Variants in PLCL2 observed in about 807,000 individuals in gnomAD.
PLCL2 encodes the protein inactive phospholipase C-like protein 2.
In PLCL2, 4 loss-of-function variants were observed where a neutral mutation model predicts 79.6. The observed-to-expected ratio is 0.05, with a 90% CI of 0.02 to 0.11. The LOEUF (loss-of-function observed/expected upper bound fraction) is 0.11. Among genes scored for constraint, PLCL2 ranks in the 10% least tolerant of loss-of-function variants. PLCL2 has a pLI of 1.00. For synonymous variants in PLCL2, 484 were observed against 457.7 expected, an observed-to-expected ratio of 1.06 and a Z score of -0.73; for missense variants, 895 against 1,291.0, an observed-to-expected ratio of 0.69 and a Z score of 4.70.
intron 3 of PLCL2, among the ~76,000 whole-genome samples, chr3:17,028,956 C>T (rs1476886407): frequency 1.3e-5 from 2 of 152,298 alleles, no homozygotes; most frequent in East Asian, 3.9e-4. Flanking sequence ...CCTTCTTACC[C>T]TACATGTCTT....
At chr3:16,917,578 C>T (rs530023320) in intron 1 of PLCL2, among the ~76,000 whole-genome samples, 27 of 152,124 alleles carry the variant, frequency 1.8e-4, no homozygotes, top group Non-Finnish European at 3.7e-4. Flanking sequence ...GCAGGGATAG[C>T]AGGACTGTTG....
intron 1 of PLCL2, among the ~76,000 whole-genome samples, chr3:16,968,786 G>A (rs1303565194): frequency 6.6e-6 from 1 of 151,648 alleles, no homozygotes; most frequent in East Asian, 1.9e-4. Flanking sequence ...GATTGCTCTG[G>A]CTAGGAGTGG....
intron 1 of PLCL2, among the ~76,000 whole-genome samples, chr3:17,001,997 A>C (rs188938894): frequency 6.6e-6 from 1 of 151,978 alleles, no homozygotes; most frequent in Non-Finnish European, 1.5e-5. Context: ...ATGGCTTTCC[A>C]TTGTTTTGGT....
Position 16,894,778 on chromosome 3 carries a change from T to C in PLCL2, c.327+9412T>C, listed in dbSNP as rs1334296727. On this transcript the variant is annotated intron_variant, in intron 1 of 5. Transcript: ENST00000615277. ...TGTGAAAATGCTTGTTCAAGTCTTT[T>C]GCCCATTTAAAAAGTCAGGTTGTTT... Among the ~76,000 whole-genome samples the C allele has an allele frequency of 2.0e-5, 3 of 152,184 alleles. No homozygotes were observed. In the East Asian group the frequency reaches 5.8e-4, roughly 29 times the overall value.
chr3:16,939,190 G>T (rs1387998558), intron 1 of PLCL2, among the ~76,000 whole-genome samples: 1 of 152,194 alleles, frequency 6.6e-6, no homozygotes. Context: ...TTCTTTTAGG[G>T]TGAGAGTCTA....
intron 1 of PLCL2, among the ~76,000 whole-genome samples, chr3:16,965,854 T>C (rs1311149939): frequency 6.6e-6 from 1 of 151,898 alleles, no homozygotes; most frequent in African/African-American, 2.4e-5. Context: ...ATGCTTGTGA[T>C]TTTTGCACAT....
intron 2 of PLCL2, 43 bp from the exon 3 acceptor site, chr3:17,014,665 A>T: frequency 6.9e-7 from 1 of 1,443,630 alleles, no homozygotes; most frequent in Non-Finnish European, 9.7e-7. Flanking sequence ...AGAAAGTAAA[A>T]CCCCCAGTTA....
chr3:16,889,413 G>T (rs965132903), intron 1 of PLCL2, among the ~76,000 whole-genome samples: 4 of 152,202 alleles, frequency 2.6e-5, no homozygotes. Flanking sequence ...AGAAGGAAAA[G>T]AATCTCTGTT....
At position 16,928,548 on chromosome 3, in the gene PLCL2, A is replaced by G. The variant is rs146446219; in HGVS notation, c.327+43182A>G. The stretch of plus-strand genomic sequence containing the variant: ...TAGGAGAAAGTACAGAGCCAGGCAA[A>G]GGGTGCAGTCTGATGCTGCAGAGAG... On this transcript the variant is annotated intron_variant, in intron 1 of 5. Coordinates refer to ENST00000615277, the MANE Select transcript of PLCL2 (RefSeq NM_001144382.2). Among the ~76,000 whole-genome samples the G allele has an allele frequency of 7.7e-3, 1,178 of 152,324 alleles. 17 individuals are homozygous for G. The highest frequency in any genetic ancestry group is 0.027 in the African/African-American group (1,102 of 41,566).
chr3:17,043,750 A>C (rs1191861913), intron 4 of PLCL2, among the ~76,000 whole-genome samples: 1 of 152,154 alleles, frequency 6.6e-6, no homozygotes, highest in African/African-American at 2.4e-5. Flanking sequence ...TGTTTAAAAT[A>C]GATTGAAGAT....
At chr3:16,885,400 C>T (rs2124911399) in intron 1 of PLCL2, 34 bp downstream of exon 1, 1 of 564,880 alleles carries the variant, frequency 1.8e-6, no homozygotes, top group East Asian at 3.4e-5. Context: ...CGCCCACCCT[C>T]AGCCGTCCTT....
intron 1 of PLCL2, among the ~76,000 whole-genome samples, chr3:16,893,416 T>C (rs1020640606): frequency 6.6e-6 from 1 of 152,210 alleles, no homozygotes; most frequent in African/African-American, 2.4e-5. Flanking sequence ...TACAACACAT[T>C]ACTGTGTAGT....
chr3:17,066,695 CA>C (rs1373591700), intron 4 of PLCL2, among the ~76,000 whole-genome samples: 1 of 152,128 alleles, frequency 6.6e-6, no homozygotes, highest in African/African-American at 2.4e-5. Context: ...CTGTAGCTGT[CA>C]CAGAAAAGAG....
At chr3:16,911,327 T>C (rs967707639) in intron 1 of PLCL2, among the ~76,000 whole-genome samples, 8 of 151,972 alleles carry the variant, frequency 5.3e-5, no homozygotes, top group Non-Finnish European at 1.0e-4. Context: ...CAAAGTTTTC[T>C]CCATAGTTTT....
chr3:16,903,641 G>T (rs1696681093), intron 1 of PLCL2, among the ~76,000 whole-genome samples: 1 of 152,192 alleles, frequency 6.6e-6, no homozygotes, highest in African/African-American at 2.4e-5. Flanking sequence ...CCAGCAGTGG[G>T]TGCTCAGATG....
intron 1 of PLCL2, among the ~76,000 whole-genome samples, chr3:16,920,176 G>A (rs943618885): frequency 2.6e-5 from 4 of 152,112 alleles, no homozygotes; most frequent in Non-Finnish European, 4.4e-5. Flanking sequence ...CTTCCACACT[G>A]TTGCATGTAA....
At position 17,010,781 on chromosome 3, in the gene PLCL2, G is replaced by A; in HGVS notation, c.1435G>A (p.Asp479Asn). The A allele has an allele frequency of 6.2e-7, 1 of 1,614,158 alleles. No homozygotes were observed. Among genetic ancestry groups the A allele is most frequent in the Non-Finnish European group, 8.5e-7 (1 of 1,180,024 alleles). ...TGAATTAGATGTATGGGATGGGCCG[G>A]ACAATGAACCTGTAATTTACACAGG... ...SVELDVWDGP[D>N]NEPVIYTGHT... The change falls in exon 2 of 6, where the codon GAC (aspartate) becomes AAC (asparagine). Residue 479 changes from aspartate to asparagine, a missense_variant. Physicochemically the swap from Asp to Asn is conservative, Grantham distance 23. Around this residue, in one of 6 missense-constraint regions of PLCL2, gnomAD observed 242 missense variants for 399.5 expected, o/e 0.61. Coordinates refer to ENST00000615277, the MANE Select transcript of PLCL2 (RefSeq NM_001144382.2). The surrounding 1 kb of genome is among the most constrained non-coding windows in gnomAD (Gnocchi z 5.8).
At chr3:16,963,218 G>C (rs1434221179) in intron 1 of PLCL2, among the ~76,000 whole-genome samples, 9 of 152,018 alleles carry the variant, frequency 5.9e-5, no homozygotes, top group Admixed American at 5.9e-4. Flanking sequence ...CATAGGTAAT[G>C]CTAAAAGATT....
chr3:16,907,540 C>A (rs1262540626), intron 1 of PLCL2, among the ~76,000 whole-genome samples: 1 of 152,182 alleles, frequency 6.6e-6, no homozygotes, highest in Non-Finnish European at 1.5e-5. Flanking sequence ...GGTGTTAGGG[C>A]ATTATGATGC....
Sources: allele counts gnomAD v4.1 joint callset (sites outside exome capture counted in the v4.1 genomes callset), GRCh38; gene constraint gnomAD v4.1.1; regional missense constraint gnomAD v4.1.1; non-coding constraint Gnocchi (gnomAD v3.1); transcripts MANE v1.5; gene names NCBI Gene and HGNC (gene_info 2026-07-23, HGNC 2026-07-21).